SPTBN1: variants seen among roughly 807,000 people sequenced by gnomAD.
SPTBN1 encodes spectrin beta, non-erythrocytic 1, also known as spectrin beta chain, non-erythrocytic 1.
In SPTBN1, 32 loss-of-function variants were observed where a neutral mutation model predicts 266.4. That is an observed-to-expected ratio of 0.12 (90% CI 0.09 to 0.16). The LOEUF (loss-of-function observed/expected upper bound fraction) is 0.16, where lower values mean the gene tolerates loss of function less well. Among genes scored for constraint, SPTBN1 ranks in the 10% least tolerant of loss-of-function variants. The pLI, the probability that SPTBN1 is intolerant of heterozygous loss-of-function variation, is 1.00. For synonymous variants in SPTBN1, 1,336 were observed against 1,162.2 expected (o/e 1.15, Z -3.04); for missense variants, 2,296 against 3,067.1 (o/e 0.75, Z 5.94).
intron 2 of SPTBN1, among the ~76,000 whole-genome samples, chr2:54,579,622 TTTGAACTGGGAAGATATA>T (rs1177145114): frequency 3.4e-5 from 5 of 149,228 alleles, no homozygotes; most frequent in African/African-American, 9.8e-5. Context: ...TGGCCCTGCT[TTTGAACTGGGAAGATATA>T]TTGCTGCATG....
chr2:54,655,292 T>A, intron 28 of SPTBN1, 84 bp downstream of exon 28: 1 of 1,527,392 alleles, frequency 6.5e-7, no homozygotes, highest in South Asian at 1.2e-5. Flanking sequence ...GTGTCAGAGA[T>A]ACTGTGTTTA....
chr2:54,547,879 T>C (rs1672339048), intron 2 of SPTBN1, among the ~76,000 whole-genome samples: 1 of 151,980 alleles, frequency 6.6e-6, no homozygotes, highest in Non-Finnish European at 1.5e-5. Flanking sequence ...GCGTGGTGGC[T>C]CACACCTGTA....
intron 34 of SPTBN1, among the ~76,000 whole-genome samples, chr2:54,666,964 C>T (rs1294848247): frequency 6.6e-6 from 1 of 152,140 alleles, no homozygotes; most frequent in Non-Finnish European, 1.5e-5. Context: ...TGGCTGCTTT[C>T]CCCTTTGTAC....
chr2:54,617,568 G>T (rs541332764), intron 5 of SPTBN1, 40 bp from the exon 6 acceptor site: 1 of 1,597,526 alleles, frequency 6.3e-7, no homozygotes, highest in Non-Finnish European at 8.6e-7. Flanking sequence ...CCTCCATGTG[G>T]TAATTGTGTT....
intron 1 of SPTBN1, among the ~76,000 whole-genome samples, chr2:54,523,262 C>T (rs927621757): frequency 3.3e-5 from 5 of 152,156 alleles, no homozygotes; most frequent in African/African-American, 7.2e-5. Flanking sequence ...AAATTGCTAA[C>T]GTAGGTGTGA....
At chr2:54,616,358 T>G in intron 5 of SPTBN1, 60 bp downstream of exon 5, 1 of 1,481,602 alleles carries the variant, frequency 6.7e-7, no homozygotes, top group Non-Finnish European at 9.4e-7. Flanking sequence ...TCCACTGCAG[T>G]CATCACTTAG....
intron 1 of SPTBN1, among the ~76,000 whole-genome samples, chr2:54,511,036 G>A (rs977774945): frequency 6.6e-6 from 1 of 152,182 alleles, no homozygotes; most frequent in African/African-American, 2.4e-5. Context: ...CTGGGTGTTG[G>A]GCTGATTGGC....
At position 54,653,969 on chromosome 2, in the gene SPTBN1, G is replaced by A. The variant is rs1680479505; in HGVS notation, c.5822+116G>A. 5.4e-6 allele frequency: 8 copies of A among 1,468,004 alleles called. No individual in the cohort carries two copies. The highest frequency in any genetic ancestry group is 7.3e-6 in the Non-Finnish European group (8 of 1,100,430). The allele number at this position is 1,468,004 out of a possible 1,614,324, so 90.9% of individuals were successfully genotyped here. A position where few individuals can be genotyped will look rare whatever the true frequency, so the allele number is the denominator to read the frequency against. On this transcript the variant is annotated intron_variant, in intron 27 of 35. Transcript: ENST00000356805. The surrounding 1 kb of genome is among the most constrained non-coding windows in gnomAD (Gnocchi z 5.1). ...TTCCTGCCTGAGCGCTTCAAGGCCA[G>A]AGTGGGGGTGGGGCGGTGCTTGGAG...
intron 2 of SPTBN1, among the ~76,000 whole-genome samples, chr2:54,589,644 A>T (rs1216941507): frequency 6.6e-6 from 1 of 152,242 alleles, no homozygotes; most frequent in African/African-American, 2.4e-5. Flanking sequence ...TTTTTATACA[A>T]ATCAGCAAAC....
chr2:54,573,675 A>G (rs992479759), intron 2 of SPTBN1, among the ~76,000 whole-genome samples: 6 of 152,166 alleles, frequency 3.9e-5, no homozygotes, highest in African/African-American at 1.4e-4. Context: ...CTCCTTTTGG[A>G]CTACTAGGAG....
In SPTBN1 at chr2:54,646,391, C is replaced by T; in HGVS notation, c.4782C>T (p.Ala1594=). The change falls in exon 23 of 36, where the codon GCC becomes GCT. Residue 1594 remains alanine (A), a synonymous_variant. Coordinates refer to ENST00000356805, the MANE Select transcript of SPTBN1 (RefSeq NM_003128.3). The surrounding 1 kb of genome is among the most constrained non-coding windows in gnomAD (Gnocchi z 4.4). The part of the protein sequence containing the change: ...RHRRLEEAHR[A]QQYYFDAAEA... ...GGCGGCTGGAGGAGGCGCACAGGGC[C>T]CAGCAGTACTACTTTGACGCTGCTG... The T allele has an allele frequency of 6.2e-7, 1 of 1,611,838 alleles. No homozygotes were observed. Among genetic ancestry groups the T allele is most frequent in the Non-Finnish European group, 8.5e-7 (1 of 1,179,076 alleles).
intron 1 of SPTBN1, among the ~76,000 whole-genome samples, chr2:54,508,855 G>A (rs779081724): frequency 6.6e-6 from 1 of 152,204 alleles, no homozygotes; most frequent in Non-Finnish European, 1.5e-5. Context: ...TGGAAGTAAA[G>A]CAGCCTTGAG....
At chr2:54,623,413 A>T (rs1678121939) in intron 9 of SPTBN1, 66 bp from the exon 10 acceptor site, 1 of 1,398,144 alleles carries the variant, frequency 7.2e-7, no homozygotes, top group Non-Finnish European at 1.0e-6. Flanking sequence ...AATGGTTTTT[A>T]AAATGCATGA....
At chr2:54,484,133 C>T (rs1320689470) in intron 1 of SPTBN1, among the ~76,000 whole-genome samples, 1 of 152,186 alleles carries the variant, frequency 6.6e-6, no homozygotes, top group African/African-American at 2.4e-5. Flanking sequence ...TTGCAGTGAG[C>T]TGTGATTGCA....
intron 17 of SPTBN1, among the ~76,000 whole-genome samples, chr2:54,636,182 T>C (rs1291545047): frequency 6.6e-6 from 1 of 152,202 alleles, no homozygotes; most frequent in Non-Finnish European, 1.5e-5. Context: ...TATAGTATAA[T>C]TATTTTTCTA....
chr2:54,478,733 A>T lies in SPTBN1; in HGVS notation c.-48+22215A>T, dbSNP rs1488125855. ...ACCACTTGGGATGCATTTTAAAATT[A>T]TATAAATGAAGTAAGCCTACAAGTT... On this transcript the variant is annotated intron_variant, in intron 1 of 35. Transcript: ENST00000356805. Among the ~76,000 whole-genome samples the T allele has an allele frequency of 2.6e-5, 4 of 152,336 alleles. No individual in the cohort carries two copies. In the South Asian group the frequency reaches 6.2e-4, roughly 24 times the overall value.
chr2:54,578,008 T>C (rs950392764), intron 2 of SPTBN1, among the ~76,000 whole-genome samples: 1 of 152,240 alleles, frequency 6.6e-6, no homozygotes, highest in African/African-American at 2.4e-5. Flanking sequence ...TTGCCTTATC[T>C]TGGAGGACTT....
At chr2:54,546,060 AGT>A (rs909091531) in intron 2 of SPTBN1, among the ~76,000 whole-genome samples, 2 of 152,160 alleles carry the variant, frequency 1.3e-5, no homozygotes, top group African/African-American at 4.8e-5. Flanking sequence ...GCTCTTGTAG[AGT>A]GTTATTAACA....
At chr2:54,617,531 T>C in intron 5 of SPTBN1, 77 bp from the exon 6 acceptor site, 1 of 1,388,514 alleles carries the variant, frequency 7.2e-7, no homozygotes, top group Non-Finnish European at 1.0e-6. Flanking sequence ...GACTTTTTAT[T>C]AACAAAGCAC....
Sources: gnomAD v4.1 joint callset for allele counts (sites outside exome capture counted in the v4.1 genomes callset) on GRCh38, gnomAD v4.1.1 for gene constraint, Gnocchi (gnomAD v3.1) non-coding constraint, MANE v1.5 for transcripts, NCBI Gene and HGNC (gene_info 2026-07-23, HGNC 2026-07-21) for gene names.